Variants in RABGAP1L observed in about 807,000 individuals in gnomAD.
The protein encoded by RABGAP1L is rab GTPase-activating protein 1-like.
In RABGAP1L, 63 loss-of-function variants were observed where a neutral mutation model predicts 137.7. The observed-to-expected ratio is 0.46, with a 90% confidence interval of 0.37 to 0.56. RABGAP1L has a LOEUF of 0.56. Ranked by LOEUF, RABGAP1L falls within the 20% of genes least tolerant of loss-of-function variation. The pLI is 0.00. For missense variants in RABGAP1L, 1,095 were observed against 1,244.0 expected, an observed-to-expected ratio of 0.88 and a Z score of 1.80; for synonymous variants, 431 against 433.7, an observed-to-expected ratio of 0.99 and a Z score of 0.08.
chr1:174,732,193 A>AC (rs753856207), intron 17 of RABGAP1L, among the ~76,000 whole-genome samples: 1 of 98,890 alleles, frequency 1.0e-5, no homozygotes, highest in African/African-American at 7.0e-5. Flanking sequence ...GTGAGACCCC[A>AC]TCCCCCCCAA....
At chr1:174,334,901 C>A (rs1014020410) in intron 11 of RABGAP1L, among the ~76,000 whole-genome samples, 1 of 152,108 alleles carries the variant, frequency 6.6e-6, no homozygotes, top group Non-Finnish European at 1.5e-5. Context: ...TCTGGAATTG[C>A]ACTTTAAAAC....
intron 19 of RABGAP1L, among the ~76,000 whole-genome samples, chr1:174,842,129 A>G (rs1490622214): frequency 6.6e-6 from 1 of 152,232 alleles, no homozygotes; most frequent in Non-Finnish European, 1.5e-5. Context: ...TTCATATAAC[A>G]AATCTACATT....
At chr1:174,548,375 C>G (rs1666188437) in intron 13 of RABGAP1L, 1 of 1,032,214 alleles carries the variant, frequency 9.7e-7, no homozygotes, top group African/African-American at 1.7e-5. Flanking sequence ...AAAGTCCTGT[C>G]TACCATATAT....
At chr1:174,848,658 G>A (rs1487272080) in intron 19 of RABGAP1L, among the ~76,000 whole-genome samples, 3 of 143,300 alleles carry the variant, frequency 2.1e-5, no homozygotes, top group Admixed American at 6.9e-5. Context: ...ATTTAAGTCT[G>A]CAGAGGTTAC....
intron 13 of RABGAP1L, among the ~76,000 whole-genome samples, chr1:174,511,740 A>G (rs1662365756): frequency 6.6e-6 from 1 of 151,668 alleles, no homozygotes; most frequent in South Asian, 2.1e-4. Flanking sequence ...CTCCTGCCTC[A>G]GCCTCCCAAG....
At chr1:174,699,447 A>C in intron 15 of RABGAP1L, 78 bp from the exon 16 acceptor site, 2 of 1,391,958 alleles carry the variant, frequency 1.4e-6, no homozygotes, top group Non-Finnish European at 9.8e-7. Context: ...GCAGAGGACT[A>C]ATAACATGAA....
intron 7 of RABGAP1L, among the ~76,000 whole-genome samples, chr1:174,258,618 T>G (rs1033707317): frequency 3.3e-5 from 5 of 152,154 alleles, no homozygotes; most frequent in African/African-American, 1.2e-4. Context: ...CTTTAATAAC[T>G]GCTGCTGACA....
At chr1:174,819,700 A>C (rs1401038962) in intron 19 of RABGAP1L, among the ~76,000 whole-genome samples, 1 of 152,224 alleles carries the variant, frequency 6.6e-6, no homozygotes, top group East Asian at 1.9e-4. Flanking sequence ...AACTAGGAGA[A>C]GGCCAGTTTG....
intron 4 of RABGAP1L, among the ~76,000 whole-genome samples, chr1:174,236,508 G>A (rs1349099122): frequency 6.7e-6 from 1 of 148,470 alleles, no homozygotes; most frequent in Non-Finnish European, 1.5e-5. Context: ...CTTTATTTCT[G>A]CCTTCATTTC....
chr1:174,946,722 A>G, intron 19 of RABGAP1L, among the ~76,000 whole-genome samples: 1 of 151,226 alleles, frequency 6.6e-6, no homozygotes, highest in Non-Finnish European at 1.5e-5. Flanking sequence ...CCAACATGGT[A>G]AAACCCCATC....
At chr1:174,563,248 T>C (rs1194578630) in intron 13 of RABGAP1L, among the ~76,000 whole-genome samples, 1 of 152,216 alleles carries the variant, frequency 6.6e-6, no homozygotes, top group African/African-American at 2.4e-5. Context: ...AAACTTAAAA[T>C]TTATGTTTGG....
At chr1:174,272,746 A>G (rs1674666565) in intron 8 of RABGAP1L, among the ~76,000 whole-genome samples, 1 of 152,022 alleles carries the variant, frequency 6.6e-6, no homozygotes, top group South Asian at 2.1e-4. Context: ...TTAGAAAGAT[A>G]TCTTTTCTTT....
chr1:174,213,258 C>T (rs1012386263), intron 1 of RABGAP1L, among the ~76,000 whole-genome samples: 2 of 152,144 alleles, frequency 1.3e-5, no homozygotes, highest in Non-Finnish European at 2.9e-5. Context: ...AACCCTGTCT[C>T]TACTAAAAAT....
intron 20 of RABGAP1L, among the ~76,000 whole-genome samples, chr1:174,962,196 A>ATCCCCCC (rs1669189616): frequency 1.3e-5 from 1 of 77,842 alleles, no homozygotes; most frequent in Non-Finnish European, 2.3e-5. Flanking sequence ...ATAAAAATAC[A>ATCCCCCC]CCCCCCCCCC....
At chr1:174,319,334 CTTAT>C (rs1203647628) in intron 11 of RABGAP1L, among the ~76,000 whole-genome samples, 3 of 151,918 alleles carry the variant, frequency 2.0e-5, no homozygotes, top group Non-Finnish European at 4.4e-5. Flanking sequence ...ATTTCAATGG[CTTAT>C]TTGTGGTATG....
chr1:174,350,334 C>A (rs1293534170), intron 11 of RABGAP1L, among the ~76,000 whole-genome samples: 927 of 77,564 alleles, frequency 0.012, 2 homozygotes, highest in Non-Finnish European at 0.019. Flanking sequence ...ACTTCTCAGA[C>A]GGGGTGGTTG....
At chr1:174,360,448 G>T (rs948928468) in intron 11 of RABGAP1L, among the ~76,000 whole-genome samples, 2 of 152,060 alleles carry the variant, frequency 1.3e-5, no homozygotes, top group African/African-American at 4.8e-5. Context: ...GATCTGTATA[G>T]TCATAAAAGT....
chr1:174,693,801 T>G (rs528467539), intron 15 of RABGAP1L, among the ~76,000 whole-genome samples: 1 of 152,214 alleles, frequency 6.6e-6, no homozygotes. Context: ...ATCAAACAAC[T>G]GCACAAATGC....
chr1:174,627,899 GT>G (rs1185100377), intron 13 of RABGAP1L, among the ~76,000 whole-genome samples: 2 of 152,094 alleles, frequency 1.3e-5, no homozygotes, highest in Non-Finnish European at 2.9e-5. Flanking sequence ...ATTCTTGGTG[GT>G]GATGGTCCAG....
Sources: gnomAD v4.1 joint callset for allele counts (sites outside exome capture counted in the v4.1 genomes callset) on GRCh38, gnomAD v4.1.1 for gene constraint, MANE v1.5 for transcripts, NCBI Gene and HGNC (gene_info 2026-07-23, HGNC 2026-07-21) for gene names.